DOCK4: variants seen among roughly 807,000 people sequenced by gnomAD.
DOCK4 encodes the protein dedicator of cytokinesis protein 4.
Under a neutral mutation model 268.1 loss-of-function variants are expected in DOCK4, and 97 were observed. The observed-to-expected ratio is 0.36, with a 90% CI of 0.31 to 0.43. The LOEUF (loss-of-function observed/expected upper bound fraction) is 0.43, where lower values mean the gene tolerates loss of function less well. DOCK4 is among the 20% of genes least tolerant of loss of function. The pLI, the probability that DOCK4 is intolerant of heterozygous loss-of-function variation, is 1.00. For synonymous variants in DOCK4, 954 were observed against 887.2 expected, an observed-to-expected ratio of 1.08 and a Z score of -1.34; for missense variants, 2,145 against 2,455.7, an observed-to-expected ratio of 0.87 and a Z score of 2.67.
intron 1 of DOCK4, among the ~76,000 whole-genome samples, chr7:112,047,525 A>C (rs1804931930): frequency 6.6e-6 from 1 of 152,214 alleles, no homozygotes; most frequent in African/African-American, 2.4e-5. Context: ...GAAAGACCAA[A>C]ATCAAATTTT....
At chr7:111,732,343 T>C (rs1795161012) in intron 51 of DOCK4, 56 bp from the exon 52 acceptor site, 1 of 1,568,024 alleles carries the variant, frequency 6.4e-7, no homozygotes, top group Admixed American at 1.7e-5. Flanking sequence ...CGATTGACTA[T>C]CTGCACATGC....
intron 1 of DOCK4, among the ~76,000 whole-genome samples, chr7:112,085,769 C>T (rs1308596368): frequency 6.6e-6 from 1 of 152,092 alleles, no homozygotes; most frequent in African/African-American, 2.4e-5. Flanking sequence ...ATCGGGCTGA[C>T]AGCATTTGAA....
intron 20 of DOCK4, 43 bp from the exon 21 acceptor site, chr7:111,869,698 A>C: frequency 6.4e-7 from 1 of 1,556,616 alleles, no homozygotes; most frequent in Non-Finnish European, 8.8e-7. Flanking sequence ...AATTGGTCTA[A>C]TTCTCAATTA....
At chr7:111,885,295 C>T (rs1350643984) in intron 16 of DOCK4, among the ~76,000 whole-genome samples, 1 of 152,188 alleles carries the variant, frequency 6.6e-6, no homozygotes, top group Non-Finnish European at 1.5e-5. Context: ...CAGCTATACT[C>T]CTAACCTGGA....
intron 52 of DOCK4, among the ~76,000 whole-genome samples, chr7:111,730,140 G>T (rs1794978726): frequency 6.6e-6 from 1 of 152,162 alleles, no homozygotes; most frequent in South Asian, 2.1e-4. Flanking sequence ...TTTGGCATCT[G>T]AGTTTGTTAC....
At chr7:111,766,298 T>A (rs1336653359) in intron 38 of DOCK4, among the ~76,000 whole-genome samples, 1 of 152,210 alleles carries the variant, frequency 6.6e-6, no homozygotes, top group Non-Finnish European at 1.5e-5. Context: ...TATGGTATTA[T>A]CTCTTAAATG....
At chr7:111,827,093 A>G (rs1802462711) in intron 26 of DOCK4, among the ~76,000 whole-genome samples, 1 of 152,138 alleles carries the variant, frequency 6.6e-6, no homozygotes. Context: ...CCCTCAGACT[A>G]TACTCAAATG....
At chr7:112,029,480 G>A (rs1803089330) in intron 1 of DOCK4, among the ~76,000 whole-genome samples, 1 of 152,182 alleles carries the variant, frequency 6.6e-6, no homozygotes. Flanking sequence ...TTCATAAAAT[G>A]TTACCATTCA....
chr7:111,936,485 AATGGATGGATGGATGGATGGATGGATGG>A lies in DOCK4; in HGVS notation c.978-885_978-858del, dbSNP rs56276228. Among the ~76,000 whole-genome samples the A allele has an allele frequency of 2.0e-5, 3 of 148,176 alleles. No individual in the cohort carries two copies. The South Asian group carries it at 6.4e-4, about 32-fold the overall frequency. ...ATGCTTAAAAACTGTCAGTGGTATG[AATGGATGGATGGATGGATGGATGGATGG>A]ATGGATGGATGGATGGACGGATGGA... On this transcript the variant is annotated intron_variant, in intron 11 of 52. Coordinates refer to ENST00000428084, the MANE Select transcript of DOCK4 (RefSeq NM_001363540.2).
chr7:111,874,210 C>A (rs1253443641), intron 17 of DOCK4, among the ~76,000 whole-genome samples: 1 of 152,102 alleles, frequency 6.6e-6, no homozygotes, highest in Non-Finnish European at 1.5e-5. Context: ...CTTCCCACTC[C>A]ACCCCCATCC....
chr7:111,772,139 G>A (rs1798161597), intron 36 of DOCK4, among the ~76,000 whole-genome samples: 1 of 152,216 alleles, frequency 6.6e-6, no homozygotes, highest in Non-Finnish European at 1.5e-5. Context: ...CAGAGTTTCA[G>A]TTTGGGAAGA....
In DOCK4 at chr7:111,755,613, A is replaced by G. The variant is rs770614774; in HGVS notation, c.4330-12T>C. On this transcript the variant is annotated splice_polypyrimidine_tract_variant and intron_variant, in intron 41 of 52. Coordinates refer to ENST00000428084, the MANE Select transcript of DOCK4 (RefSeq NM_001363540.2). ...TCCACCCAGAGACTCTACAAAACAC[A>G]AAACACATTAAGTCTCCCAAGTTGC... The G allele has an allele frequency of 6.2e-7, 1 of 1,613,246 alleles. No individual in the cohort carries two copies. Among genetic ancestry groups the G allele is most frequent in the East Asian group, 2.2e-5 (1 of 44,868 alleles).
intron 1 of DOCK4, among the ~76,000 whole-genome samples, chr7:112,190,972 C>T (rs1414665344): frequency 6.6e-6 from 1 of 152,218 alleles, no homozygotes; most frequent in Non-Finnish European, 1.5e-5. Flanking sequence ...ATCAGAACCA[C>T]AAGCCTCAGA....
intron 1 of DOCK4, among the ~76,000 whole-genome samples, chr7:112,178,280 G>A: frequency 6.6e-6 from 1 of 152,162 alleles, no homozygotes; most frequent in East Asian, 1.9e-4. Context: ...CTGAAGTGAG[G>A]CTTACAGTAT....
chr7:111,954,272 C>A (rs1796284138), intron 8 of DOCK4, among the ~76,000 whole-genome samples: 1 of 152,132 alleles, frequency 6.6e-6, no homozygotes, highest in Non-Finnish European at 1.5e-5. Context: ...TCTATTTATG[C>A]CCCCAAGAAA....
chr7:112,156,161 T>C, intron 1 of DOCK4, among the ~76,000 whole-genome samples: 1 of 152,102 alleles, frequency 6.6e-6, no homozygotes, highest in Non-Finnish European at 1.5e-5. Context: ...CCTCGGCTTC[T>C]TCATCTCTAT....
At chr7:111,802,301 TTCTGAGATTA>T (rs1218954534) in intron 30 of DOCK4, among the ~76,000 whole-genome samples, 1 of 152,044 alleles carries the variant, frequency 6.6e-6, no homozygotes, top group Non-Finnish European at 1.5e-5. Context: ...GGCTCACAAA[TTCTGAGATTA>T]ACAGGTCTTG....
chr7:111,738,998 G>A, intron 49 of DOCK4, 136 bp downstream of exon 49: 1 of 662,858 alleles, frequency 1.5e-6, no homozygotes, highest in Non-Finnish European at 2.6e-6. Context: ...AAACAGAGGT[G>A]CAATCTTCAC....
intron 20 of DOCK4, among the ~76,000 whole-genome samples, chr7:111,870,560 G>C (rs187568148): frequency 6.6e-6 from 1 of 152,122 alleles, no homozygotes; most frequent in East Asian, 1.9e-4. Flanking sequence ...GACCTCAAAT[G>C]ATCTGTCCAC....
Sources: gnomAD v4.1 joint callset for allele counts (sites outside exome capture counted in the v4.1 genomes callset) on GRCh38, gnomAD v4.1.1 for gene constraint, MANE v1.5 for transcripts, NCBI Gene and HGNC (gene_info 2026-07-23, HGNC 2026-07-21) for gene names.